The following CFAP20DC variants were observed in gnomAD, a reference collection of about 807,000 sequenced individuals.
CFAP20DC encodes the protein protein CFAP20DC.
CFAP20DC carries 84 observed loss-of-function variants against 101.7 expected under a neutral mutation model. The ratio of observed to expected loss-of-function variants is 0.83; its 90% CI spans 0.69 to 0.99. The LOEUF is 0.99. Among genes scored for constraint, CFAP20DC ranks in the 50% least tolerant of loss-of-function variants. The pLI is 0.00. For synonymous variants in CFAP20DC, 359 were observed against 351.2 expected (o/e 1.02, Z -0.25); for missense variants, 1,007 against 970.3 (o/e 1.04, Z -0.50).
chr3:58,781,531 A>C (rs2071825699), intron 15 of CFAP20DC, among the ~76,000 whole-genome samples: 1 of 151,942 alleles, frequency 6.6e-6, no homozygotes. Context: ...GAAAGATAAA[A>C]TTGATAAACC....
Position 58,995,975 on chromosome 3 carries a change from A to AATCTATCTATCTATCTATCT in CFAP20DC, c.278+43562_278+43581dup, listed in dbSNP as rs10688272. 2.7e-3 allele frequency among the ~76,000 whole-genome samples: 385 copies of AATCTATCTATCTATCTATCT among 145,266 alleles called. 1 individual carries two copies. The highest frequency in any genetic ancestry group is 5.0e-3 in the African/African-American group (195 of 38,922). On this transcript the variant is annotated intron_variant, in intron 4 of 16. Coordinates refer to ENST00000482387, the MANE Select transcript of CFAP20DC (RefSeq NM_001394063.1). ...CCACATGAGCCAATTCTGTATAATA[A>AATCTATCTATCTATCTATCT]ATCTATCTATCTATCTATCTATCTA...
In CFAP20DC at chr3:58,931,128, C is replaced by A. The variant is rs1005219503; in HGVS notation, c.393+6520G>T. Reference sequence around the variant, plus strand: ...CGCACCAGGAGATTATATCACACACCTGGCTCGGAGGGTCCTACGCCCACG... The same window carrying A: ...CGCACCAGGAGATTATATCACACACATGGCTCGGAGGGTCCTACGCCCACG... On this transcript the variant is annotated intron_variant, in intron 5 of 16. Coordinates refer to ENST00000482387, the MANE Select transcript of CFAP20DC (RefSeq NM_001394063.1). Among the ~76,000 whole-genome samples the A allele has an allele frequency of 2.6e-5, 4 of 152,214 alleles. 1 individual carries two copies. The East Asian group carries it at 7.7e-4, about 29-fold the overall frequency.
At chr3:58,802,313 G>A (rs979878824) in intron 15 of CFAP20DC, among the ~76,000 whole-genome samples, 2 of 152,216 alleles carry the variant, frequency 1.3e-5, no homozygotes, top group Non-Finnish European at 2.9e-5. Context: ...TTGGCAGCAT[G>A]CAAGTGTACA....
At chr3:58,860,941 A>C (rs2079195602) in intron 12 of CFAP20DC, among the ~76,000 whole-genome samples, 1 of 152,196 alleles carries the variant, frequency 6.6e-6, no homozygotes. Context: ...TACCAGAAAT[A>C]TTAGTATATA....
intron 4 of CFAP20DC, among the ~76,000 whole-genome samples, chr3:59,036,912 T>C (rs1252288328): frequency 6.6e-6 from 1 of 152,144 alleles, no homozygotes; most frequent in Admixed American, 6.6e-5. Flanking sequence ...CAAAACAGTA[T>C]GGTACTGGTA....
chr3:58,864,726 A>T lies in CFAP20DC; in HGVS notation c.1259-834T>A, dbSNP rs562138771. On this transcript the variant is annotated intron_variant, in intron 11 of 16. Coordinates refer to ENST00000482387, the MANE Select transcript of CFAP20DC (RefSeq NM_001394063.1). The surrounding 1 kb of genome is among the most constrained non-coding windows in gnomAD (Gnocchi z 4.7). ...TCTATTCTACTGATTCAAACAGGAC[A>T]ATTCACAGACTAAACCAAGCAGACT... 2.0e-5 allele frequency among the ~76,000 whole-genome samples: 3 copies of T among 152,336 alleles called. No individual in the cohort carries two copies. In the South Asian group the frequency reaches 6.2e-4, roughly 32 times the overall value.
rs1389636688 is a variant in CFAP20DC at position 58,899,068 on chromosome 3, C to A, written c.551-14359G>T. Among the ~76,000 whole-genome samples the A allele has an allele frequency of 6.6e-6, 1 of 152,212 alleles. No homozygotes were observed. Among genetic ancestry groups the A allele is most frequent in the Non-Finnish European group, 1.5e-5 (1 of 68,040 alleles). ...GTCAGCCTGTTCTTTCCTCTGGAAT[C>A]TCCATCCCAGGGGGGTACTGACCTG... On this transcript the variant is annotated intron_variant, in intron 6 of 16. Coordinates refer to ENST00000482387, the MANE Select transcript of CFAP20DC (RefSeq NM_001394063.1). This position sits in a 1 kb window ranked among gnomAD's most constrained non-coding sequence, Gnocchi z 5.0.
At chr3:58,996,263 C>T (rs1427056363) in intron 4 of CFAP20DC, among the ~76,000 whole-genome samples, 4 of 152,028 alleles carry the variant, frequency 2.6e-5, no homozygotes, top group South Asian at 2.1e-4. Context: ...TAAATAGATG[C>T]TAATATGGTA....
chr3:58,961,753 A>G (rs1323044614), intron 4 of CFAP20DC, among the ~76,000 whole-genome samples: 4 of 151,298 alleles, frequency 2.6e-5, no homozygotes, highest in African/African-American at 4.9e-5. Context: ...TTCAGTTGTG[A>G]TAAGTTTCTA....
intron 15 of CFAP20DC, among the ~76,000 whole-genome samples, chr3:58,770,396 T>C (rs2070729789): frequency 6.6e-6 from 1 of 152,172 alleles, no homozygotes. Flanking sequence ...TTTGAGGAAT[T>C]TGGACTACTG....
chr3:58,821,997 G>C (rs1312627957), intron 14 of CFAP20DC, among the ~76,000 whole-genome samples: 2 of 143,966 alleles, frequency 1.4e-5, no homozygotes, highest in Non-Finnish European at 3.0e-5. Flanking sequence ...CCTTTGTAGG[G>C]ACATGGATGA....
chr3:58,840,754 T>C (rs974835827), intron 13 of CFAP20DC, among the ~76,000 whole-genome samples: 8 of 152,246 alleles, frequency 5.3e-5, no homozygotes, highest in African/African-American at 1.9e-4. Flanking sequence ...GAAGAAAGTA[T>C]ACTTCAGATT....
rs2079930549 is a variant in CFAP20DC at position 58,869,149 on chromosome 3, T to A, written c.1015+179A>T. Among the ~76,000 whole-genome samples the A allele has an allele frequency of 6.6e-6, 1 of 152,190 alleles. No homozygotes were observed. The highest frequency in any genetic ancestry group is 2.1e-4 in the South Asian group (1 of 4,832). ...ATAATGGAGAAAACAGAATGATAGA[T>A]TTCAGAAGCTAATATAAGAATTTCA... On this transcript the variant is annotated intron_variant, in intron 9 of 16. Transcript: ENST00000482387. This position sits in a 1 kb window ranked among gnomAD's most constrained non-coding sequence, Gnocchi z 4.3.
intron 14 of CFAP20DC, among the ~76,000 whole-genome samples, chr3:58,816,054 T>C (rs1347330723): frequency 1.3e-5 from 2 of 151,848 alleles, no homozygotes; most frequent in Non-Finnish European, 2.9e-5. Context: ...TAAAGACACA[T>C]GCACACGTAT....
At position 58,863,913 on chromosome 3, in the gene CFAP20DC, C is replaced by A. The variant is rs371602629; in HGVS notation, c.1259-21G>T. 4.4e-6 allele frequency: 7 copies of A among 1,582,454 alleles called. No homozygotes were observed. In the Admixed American group the frequency reaches 1.3e-4, roughly 30 times the overall value. Reference sequence around the variant, plus strand: ...CTCATCTGACAGTTGGAAAAGATGACAAAAATTAGAGCAGTAATCCATAAA... The same window carrying A: ...CTCATCTGACAGTTGGAAAAGATGAAAAAAATTAGAGCAGTAATCCATAAA... On this transcript the variant is annotated intron_variant, in intron 11 of 16. Transcript: ENST00000482387. This position sits in a 1 kb window ranked among gnomAD's most constrained non-coding sequence, Gnocchi z 5.9.
At chr3:58,888,132 T>C (rs1350014156) in intron 6 of CFAP20DC, among the ~76,000 whole-genome samples, 1 of 152,248 alleles carries the variant, frequency 6.6e-6, no homozygotes, top group African/African-American at 2.4e-5. Context: ...ATATACAGCT[T>C]AATTTTAAAA....
At chr3:58,937,560 A>C in intron 5 of CFAP20DC, 88 bp downstream of exon 5, 1 of 827,368 alleles carries the variant, frequency 1.2e-6, no homozygotes, top group Non-Finnish European at 2.1e-6. Context: ...ATCGTACTTA[A>C]CAAAGTACCT....
At chr3:58,944,416 A>T (rs928126498) in intron 4 of CFAP20DC, among the ~76,000 whole-genome samples, 1 of 152,222 alleles carries the variant, frequency 6.6e-6, no homozygotes, top group Non-Finnish European at 1.5e-5. Context: ...TTACCAGCCC[A>T]TGGATATACA....
At chr3:58,811,223 C>A (rs1209758523) in intron 14 of CFAP20DC, among the ~76,000 whole-genome samples, 1 of 152,048 alleles carries the variant, frequency 6.6e-6, no homozygotes, top group Non-Finnish European at 1.5e-5. Context: ...TCATACGGAA[C>A]CAAAAAAGAG....
Sources: allele counts gnomAD v4.1 joint callset (sites outside exome capture counted in the v4.1 genomes callset), GRCh38; gene constraint gnomAD v4.1.1; non-coding constraint Gnocchi (gnomAD v3.1); transcripts MANE v1.5; gene names NCBI Gene and HGNC (gene_info 2026-07-23, HGNC 2026-07-21).